Variants in JARID2 observed in about 807,000 individuals in gnomAD.
JARID2 encodes the protein protein Jumonji.
In JARID2, 21 loss-of-function variants were observed where a neutral mutation model predicts 125.6. That is an observed-to-expected ratio of 0.17 (90% confidence interval 0.12 to 0.24). The LOEUF is 0.24. Ranked by LOEUF, JARID2 falls within the 10% of genes least tolerant of loss-of-function variation. The pLI, the probability that JARID2 is intolerant of heterozygous loss-of-function variation, is 1.00. For missense variants in JARID2, 1,303 were observed against 1,639.6 expected (o/e 0.79, Z 3.55); for synonymous variants, 736 against 661.6 (o/e 1.11, Z -1.73).
At chr6:15,442,123 G>A (rs1236738063) in intron 3 of JARID2, among the ~76,000 whole-genome samples, 2 of 150,046 alleles carry the variant, frequency 1.3e-5, no homozygotes, top group Non-Finnish European at 3.0e-5. Flanking sequence ...AAAAAAAAAA[G>A]GAAGTAAAAC....
At chr6:15,431,681 T>C (rs1424652429) in intron 3 of JARID2, among the ~76,000 whole-genome samples, 1 of 152,256 alleles carries the variant, frequency 6.6e-6, no homozygotes, top group African/African-American at 2.4e-5. Flanking sequence ...TCTTATCTTT[T>C]TCCCTTTCAA....
intron 5 of JARID2, among the ~76,000 whole-genome samples, chr6:15,480,213 T>A (rs892049537): frequency 6.6e-6 from 1 of 152,226 alleles, no homozygotes; most frequent in Non-Finnish European, 1.5e-5. Flanking sequence ...GAAGGTATTT[T>A]AATTTGGGGG....
chr6:15,335,396 G>A (rs1762845809), intron 1 of JARID2, among the ~76,000 whole-genome samples: 1 of 151,880 alleles, frequency 6.6e-6, no homozygotes, highest in Admixed American at 6.5e-5. Flanking sequence ...CACTGCTCCT[G>A]GCCCACACCC....
At chr6:15,496,103 T>C in intron 6 of JARID2, 29 bp from the exon 7 acceptor site, 1 of 1,570,990 alleles carries the variant, frequency 6.4e-7, no homozygotes, top group Non-Finnish European at 8.6e-7. Flanking sequence ...TCTGCGTTTT[T>C]TTCCACCTCT....
intron 1 of JARID2, among the ~76,000 whole-genome samples, chr6:15,297,123 T>G (rs1384725952): frequency 6.6e-6 from 1 of 152,216 alleles, no homozygotes; most frequent in Non-Finnish European, 1.5e-5. Flanking sequence ...TGTCATTCAT[T>G]GACTGCTTAT....
chr6:15,413,021 TTG>T (rs1377049739), intron 3 of JARID2, among the ~76,000 whole-genome samples: 3,992 of 74,130 alleles, frequency 0.054, 601 homozygotes, highest in African/African-American at 0.081. Context: ...TTTTTTTTTT[TTG>T]TTTTTTTTTT....
intron 1 of JARID2, among the ~76,000 whole-genome samples, chr6:15,274,691 T>G (rs532265484): frequency 1.8e-4 from 28 of 152,172 alleles, no homozygotes; most frequent in Non-Finnish European, 2.6e-4. Flanking sequence ...TGTGTTGGCC[T>G]CTTTTTGATT....
chr6:15,463,713 T>A (rs1768573744), intron 4 of JARID2, among the ~76,000 whole-genome samples: 1 of 152,178 alleles, frequency 6.6e-6, no homozygotes, highest in Non-Finnish European at 1.5e-5. Flanking sequence ...ATTACAGGTG[T>A]GAGCCACCCT....
At chr6:15,504,406 C>T (rs1038499452) in intron 8 of JARID2, 94 bp from the exon 9 acceptor site, 1 of 888,464 alleles carries the variant, frequency 1.1e-6, no homozygotes, top group Non-Finnish European at 1.9e-6. Context: ...CGCAGGGACG[C>T]CAAGGGGCAG....
chr6:15,435,312 A>G (rs1265331970), intron 3 of JARID2, among the ~76,000 whole-genome samples: 1 of 152,242 alleles, frequency 6.6e-6, no homozygotes, highest in East Asian at 1.9e-4. Context: ...TTTAAACTAA[A>G]TTCAGGGCTT....
rs533109605 is a variant in JARID2 at position 15,318,372 on chromosome 6, G to C, written c.46-55745G>C. On this transcript the variant is annotated intron_variant, in intron 1 of 17. Coordinates refer to ENST00000341776, the MANE Select transcript of JARID2 (RefSeq NM_004973.4). ...AGGGAGACAGCAGTGAGGTGCAGGG[G>C]GATGAGGCACATAGTTGTCTACATG... Among the ~76,000 whole-genome samples the C allele has an allele frequency of 7.2e-5, 11 of 152,334 alleles. No homozygotes were observed. The East Asian group carries it at 1.9e-3, about 27-fold the overall frequency.
chr6:15,373,906 C>G (rs1271970455), intron 1 of JARID2, among the ~76,000 whole-genome samples: 1 of 152,156 alleles, frequency 6.6e-6, no homozygotes, highest in African/African-American at 2.4e-5. Flanking sequence ...TGCTTTCATT[C>G]TTTTTAACAG....
intron 1 of JARID2, among the ~76,000 whole-genome samples, chr6:15,350,511 T>C (rs866321257): frequency 1.4e-4 from 21 of 152,180 alleles, no homozygotes; most frequent in African/African-American, 4.6e-4. Flanking sequence ...GATTCCAAGA[T>C]GTGCTCGGTA....
rs901751783 is a variant in JARID2, at chr6:15,374,378, C to A, written c.181+126C>A. On this transcript the variant is annotated intron_variant, in intron 2 of 17. Coordinates refer to ENST00000341776, the MANE Select transcript of JARID2 (RefSeq NM_004973.4). ...TAGGCACCTAAAGGCAGTCTGTAGG[C>A]TAGGTGAATCTGCACTGCAGACATC... The A allele has an allele frequency of 1.9e-5, 17 of 908,240 alleles. No individual in the cohort carries two copies. The East Asian group carries it at 4.1e-4, about 22-fold the overall frequency. 56.3% of individuals were successfully genotyped at this position (908,240 alleles called of 1,614,324 possible).
intron 1 of JARID2, among the ~76,000 whole-genome samples, chr6:15,310,368 C>G (rs1761973266): frequency 6.6e-6 from 1 of 152,192 alleles, no homozygotes; most frequent in South Asian, 2.1e-4. Context: ...CACAGTGGAA[C>G]TGGTCTGTTG....
chr6:15,296,849 T>A (rs1171898286), intron 1 of JARID2, among the ~76,000 whole-genome samples: 1 of 152,204 alleles, frequency 6.6e-6, no homozygotes, highest in Non-Finnish European at 1.5e-5. Context: ...TTTGATGCTG[T>A]TGTAAAGGTT....
intron 1 of JARID2, among the ~76,000 whole-genome samples, chr6:15,335,930 C>CA (rs915846928): frequency 6.6e-6 from 1 of 151,968 alleles, no homozygotes; most frequent in South Asian, 2.1e-4. Flanking sequence ...ACACAACACA[C>CA]AAAAAAATAG....
chr6:15,248,803 A>G (rs937800835), intron 1 of JARID2: 316 of 527,810 alleles, frequency 6.0e-4, no homozygotes, highest in Non-Finnish European at 7.1e-4. Flanking sequence ...TGACGTCAAA[A>G]GTCGGGCGGG....
At chr6:15,500,824 C>A in intron 7 of JARID2, 83 bp from the exon 8 acceptor site, 5 of 1,246,552 alleles carry the variant, frequency 4.0e-6, no homozygotes, top group South Asian at 2.8e-5. Context: ...AGTAGGAGTT[C>A]AAGAAGTACA....
Sources: gnomAD v4.1 joint callset for allele counts (sites outside exome capture counted in the v4.1 genomes callset) on GRCh38, gnomAD v4.1.1 for gene constraint, MANE v1.5 for transcripts, NCBI Gene and HGNC (gene_info 2026-07-23, HGNC 2026-07-21) for gene names.